Variants in CYP4X1 observed in about 807,000 individuals in gnomAD.
CYP4X1 encodes cytochrome P450 family 4 subfamily X member 1, also known as cytochrome P450 4X1.
CYP4X1 carries 44 observed loss-of-function variants against 57.9 expected under a neutral mutation model. That is an observed-to-expected ratio of 0.76 (90% confidence interval 0.60 to 0.98). CYP4X1 has a LOEUF of 0.98. Ranked by LOEUF, CYP4X1 falls within the 50% of genes least tolerant of loss-of-function variation. CYP4X1 has a pLI of 0.00. For synonymous variants in CYP4X1, 227 were observed against 228.6 expected, an observed-to-expected ratio of 0.99 and a Z score of 0.06; for missense variants, 532 against 623.9, an observed-to-expected ratio of 0.85 and a Z score of 1.57.
At chr1:46,970,950 T>C in the CYP4X1 span, among the ~76,000 whole-genome samples, 3 of 152,300 alleles carry the variant, frequency 2.0e-5, no homozygotes, top group Admixed American at 6.5e-5. Flanking sequence ...TTATTTTAGG[T>C]TCAGGGGTAC....
chr1:46,998,899 C>T, the CYP4X1 span, among the ~76,000 whole-genome samples: 732 of 152,120 alleles, frequency 4.8e-3, 12 homozygotes, highest in East Asian at 0.045. Context: ...GGCTTTATTT[C>T]TAGGCTCTCT....
At chr1:46,971,657 G>T in the CYP4X1 span, among the ~76,000 whole-genome samples, 2 of 152,032 alleles carry the variant, frequency 1.3e-5, no homozygotes, top group Non-Finnish European at 2.9e-5. Flanking sequence ...GTTTTGATTT[G>T]CATTTCTCTA....
chr1:46,989,516 C>G, the CYP4X1 span, among the ~76,000 whole-genome samples: 3 of 152,268 alleles, frequency 2.0e-5, no homozygotes, highest in East Asian at 3.9e-4. Flanking sequence ...CATCAAGCTA[C>G]CATTGACTTT....
chr1:47,009,715 G>C, the CYP4X1 span, among the ~76,000 whole-genome samples: 1 of 152,000 alleles, frequency 6.6e-6, no homozygotes, highest in African/African-American at 2.4e-5. Context: ...GCAATAAAAA[G>C]TGATAAAGGG....
chr1:46,978,539 C>T, the CYP4X1 span, among the ~76,000 whole-genome samples: 1 of 152,030 alleles, frequency 6.6e-6, no homozygotes, highest in African/African-American at 2.4e-5. Context: ...GACTTTAACA[C>T]CCCACTGTCA....
chr1:47,044,751 C>G (rs760593703), intron 8 of CYP4X1, among the ~76,000 whole-genome samples: 110 of 151,926 alleles, frequency 7.2e-4, no homozygotes, highest in South Asian at 2.5e-3. Context: ...TGAAATATAA[C>G]TTTTGTTCCA....
At chr1:47,003,735 C>T in the CYP4X1 span, among the ~76,000 whole-genome samples, 42 of 152,178 alleles carry the variant, frequency 2.8e-4, no homozygotes, top group Non-Finnish European at 1.5e-4. Flanking sequence ...AGCACCAAGC[C>T]GTGAAGGATC....
chr1:47,031,318 C>A, intron 2 of CYP4X1, 118 bp from the exon 3 acceptor site: 1 of 1,201,982 alleles, frequency 8.3e-7, no homozygotes, highest in Non-Finnish European at 1.2e-6. Context: ...AAGCCCTGGG[C>A]TCTCTTTTTC....
At chr1:47,006,406 A>T in the CYP4X1 span, among the ~76,000 whole-genome samples, 1 of 152,228 alleles carries the variant, frequency 6.6e-6, no homozygotes, top group Non-Finnish European at 1.5e-5. Flanking sequence ...GTTATTAGTG[A>T]GAAAAAGAAT....
chr1:47,038,707 C>T lies in CYP4X1; in HGVS notation c.823C>T (p.Gln275Ter). ...GAAATCCCTCCAGGCTGGGGTAAAG[C>T]AGGATAACACTCCGAAGAGGAAGTA... ...RKKSLQAGVKQDNTPKRKYQD... is the reference protein window; with the variant it reads ...RKKSLQAGVK Residue 275 changes from glutamine to a stop codon, truncating the protein, a stop_gained, in exon 7 of 12, where the codon CAG becomes TAG. Transcript: ENST00000371901. LOFTEE classifies it high-confidence loss of function. The T allele has an allele frequency of 6.2e-7, 1 of 1,610,814 alleles. No homozygotes were observed. Among genetic ancestry groups the T allele is most frequent in the Non-Finnish European group, 8.5e-7 (1 of 1,178,492 alleles).
chr1:47,053,119 C>T (rs1161612846), downstream of CYP4X1, among the ~76,000 whole-genome samples: 2 of 152,094 alleles, frequency 1.3e-5, no homozygotes, highest in Admixed American at 1.3e-4. Context: ...TTCCTGTGTC[C>T]ACGTGTTCTC....
At chr1:46,961,790 C>A in the CYP4X1 span, 1 of 1,297,018 alleles carries the variant, frequency 7.7e-7, no homozygotes, top group Non-Finnish European at 1.0e-6. Flanking sequence ...GCCTTGCCCA[C>A]CCCAGACCCT....
At position 47,024,000 on chromosome 1, in the gene CYP4X1, T is replaced by C. The variant is rs770410664; in HGVS notation, c.177+6T>C. The C allele has an allele frequency of 2.4e-5, 39 of 1,609,916 alleles. No individual in the cohort carries two copies. Among genetic ancestry groups the C allele is most frequent in the Non-Finnish European group, 2.7e-5 (32 of 1,178,162 alleles). ...GGTTCCTTGGGCACCAGAAGGTAGA[T>C]GGGAGGGAGGAGGGAGGAAGGAGGA... On this transcript the variant is annotated splice_donor_region_variant and intron_variant, in intron 1 of 11. Coordinates refer to ENST00000371901, the MANE Select transcript of CYP4X1 (RefSeq NM_178033.2).
At position 47,023,852 on chromosome 1, in the gene CYP4X1, G is replaced by C. The variant is rs1452823199; in HGVS notation, c.35G>C (p.Arg12Pro). 1.9e-6 allele frequency: 3 copies of C among 1,613,418 alleles called. No homozygotes were observed. The highest frequency in any genetic ancestry group is 1.7e-5 in the Admixed American group (1 of 60,012). ...TCCTGGCTGGAGACGCGCTGGGCGC[G>C]GCCCTTTTACCTGGCGTTCGTGTTC... ...EFSWLETRWA[R>P]PFYLAFVFCL... The change falls in exon 1 of 12, where the codon CGG (arginine) becomes CCG (proline). Residue 12 changes from arginine to proline, a missense_variant. Coordinates refer to ENST00000371901, the MANE Select transcript of CYP4X1 (RefSeq NM_178033.2).
At chr1:47,001,754 C>A in the CYP4X1 span, among the ~76,000 whole-genome samples, 1 of 152,228 alleles carries the variant, frequency 6.6e-6, no homozygotes, top group African/African-American at 2.4e-5. Flanking sequence ...CACACTGAAG[C>A]CACAGTCCAG....
intron 3 of CYP4X1, among the ~76,000 whole-genome samples, chr1:47,032,011 C>T (rs1402743469): frequency 6.6e-6 from 1 of 152,056 alleles, no homozygotes; most frequent in Admixed American, 6.6e-5. Flanking sequence ...CCACTGCACT[C>T]CAGACTAGGT....
At chr1:47,047,582 A>G (rs1412193419) in intron 9 of CYP4X1, among the ~76,000 whole-genome samples, 1 of 152,034 alleles carries the variant, frequency 6.6e-6, no homozygotes, top group African/African-American at 2.4e-5. Context: ...GCATGACAGA[A>G]TCACAGTTCT....
chr1:46,971,988 CT>C, the CYP4X1 span, among the ~76,000 whole-genome samples: 7 of 152,112 alleles, frequency 4.6e-5, no homozygotes, highest in Non-Finnish European at 8.8e-5. Flanking sequence ...CTTTTAGAGT[CT>C]TCATCATAAA....
Position 47,039,396 on chromosome 1 carries a change from T to A in CYP4X1, c.937T>A (p.Phe313Ile). 6.2e-7 allele frequency: 1 copy of A among 1,613,666 alleles called. No homozygotes were observed. The change falls in exon 8 of 12, where the codon TTC becomes ATC. Residue 313 changes from phenylalanine to isoleucine, a missense_variant. By Grantham distance (21) the Phe-to-Ile change is conservative. Transcript: ENST00000371901. ...TGATGTACACTCTGAAGTGAGCACA[T>A]TCCTGTTGGCAGGACATGACACCTT... ...DIDVHSEVST[F>I]LLAGHDTLAA...
Sources: gnomAD v4.1 joint callset for allele counts (sites outside exome capture counted in the v4.1 genomes callset) on GRCh38, gnomAD v4.1.1 for gene constraint, MANE v1.5 for transcripts, NCBI Gene and HGNC (gene_info 2026-07-23, HGNC 2026-07-21) for gene names.